SNTB1: variants seen among roughly 807,000 people sequenced by gnomAD.
SNTB1 encodes the protein beta-1-syntrophin.
In SNTB1, 36 loss-of-function variants were observed where a neutral mutation model predicts 48.9. That is an observed-to-expected ratio of 0.74 (90% confidence interval 0.56 to 0.97). SNTB1 has a LOEUF of 0.97. Among genes scored for constraint, SNTB1 ranks in the 50% least tolerant of loss-of-function variants. The probability of loss-of-function intolerance (pLI) is 0.00; values close to 1 mark genes in which losing one functional copy is unlikely to be tolerated. For synonymous variants in SNTB1, 299 were observed against 294.6 expected, an observed-to-expected ratio of 1.01 and a Z score of -0.15; for missense variants, 786 against 703.4, an observed-to-expected ratio of 1.12 and a Z score of -1.33.
intron 1 of SNTB1, among the ~76,000 whole-genome samples, chr8:120,740,712 T>C (rs940124084): frequency 5.3e-5 from 8 of 152,040 alleles, no homozygotes; most frequent in Non-Finnish European, 1.2e-4. Context: ...GAGAGAATGA[T>C]GGGCGGCCTG....
intron 3 of SNTB1, among the ~76,000 whole-genome samples, chr8:120,631,847 C>T (rs1816986754): frequency 6.6e-6 from 1 of 152,190 alleles, no homozygotes; most frequent in Non-Finnish European, 1.5e-5. Flanking sequence ...TATCTTTTCA[C>T]TCCCTTCCCC....
intron 2 of SNTB1, chr8:120,635,473 C>A (rs1194107602): frequency 2.0e-5 from 3 of 152,270 alleles, no homozygotes; most frequent in Non-Finnish European, 4.4e-5. Flanking sequence ...CTTTTGAAGG[C>A]CTTTTTAAAA....
At chr8:120,700,789 T>C (rs1184978216) in intron 1 of SNTB1, among the ~76,000 whole-genome samples, 1 of 152,214 alleles carries the variant, frequency 6.6e-6, no homozygotes, top group African/African-American at 2.4e-5. Flanking sequence ...GCACACAGGC[T>C]ACTAATGAGG....
intron 3 of SNTB1, among the ~76,000 whole-genome samples, chr8:120,584,456 AAAAAAG>A (rs1315676744): frequency 1.1e-4 from 17 of 150,890 alleles, no homozygotes; most frequent in African/African-American, 3.7e-4. Flanking sequence ...AAAAAAAAAA[AAAAAAG>A]TGTAGTAATT....
chr8:120,650,039 A>C (rs9297624), intron 2 of SNTB1, among the ~76,000 whole-genome samples: 2 of 151,744 alleles, frequency 1.3e-5, no homozygotes, highest in South Asian at 4.2e-4. Flanking sequence ...CGCACGGTGC[A>C]CGCACCCACT....
chr8:120,621,120 C>T (rs1023039470), intron 3 of SNTB1, among the ~76,000 whole-genome samples: 16 of 152,146 alleles, frequency 1.1e-4, no homozygotes, highest in East Asian at 1.9e-4. Flanking sequence ...ACACCATGCC[C>T]GGCTAATTTT....
chr8:120,698,500 T>A (rs932123441), intron 1 of SNTB1, among the ~76,000 whole-genome samples: 3 of 152,120 alleles, frequency 2.0e-5, no homozygotes, highest in African/African-American at 7.2e-5. Context: ...AGTCCTGATT[T>A]TTTTTGATAT....
rs75915544 is a variant in SNTB1, at chr8:120,748,988, C to A, written c.572-55080G>T. Reference sequence around the variant, plus strand: ...TTATTGTTACTGATTATACAGGCAACGGGTAGTATGACACCTGGCACCCAA... The same window carrying A: ...TTATTGTTACTGATTATACAGGCAAAGGGTAGTATGACACCTGGCACCCAA... On this transcript the variant is annotated intron_variant, in intron 1 of 6. Coordinates refer to ENST00000517992, the MANE Select transcript of SNTB1 (RefSeq NM_021021.4). 2.0e-5 allele frequency among the ~76,000 whole-genome samples: 3 copies of A among 152,092 alleles called. No homozygotes were observed. In the East Asian group the frequency reaches 5.8e-4, roughly 29 times the overall value.
At chr8:120,561,201 C>A (rs1020745866) in intron 4 of SNTB1, among the ~76,000 whole-genome samples, 1 of 151,594 alleles carries the variant, frequency 6.6e-6, no homozygotes, top group Non-Finnish European at 1.5e-5. Context: ...GTAGCACATG[C>A]CTGTAATCCC....
intron 1 of SNTB1, among the ~76,000 whole-genome samples, chr8:120,700,585 C>T (rs538946977): frequency 5.3e-5 from 8 of 152,224 alleles, no homozygotes; most frequent in East Asian, 1.9e-4. Context: ...AGAAAAGGGG[C>T]GGAGAGGAGT....
intron 3 of SNTB1, among the ~76,000 whole-genome samples, chr8:120,606,788 G>T (rs1816528324): frequency 6.6e-6 from 1 of 152,134 alleles, no homozygotes; most frequent in African/African-American, 2.4e-5. Flanking sequence ...ACTTTAATTT[G>T]CAAGGTAGCC....
chr8:120,662,127 T>C (rs1277087271), intron 2 of SNTB1, among the ~76,000 whole-genome samples: 1 of 152,198 alleles, frequency 6.6e-6, no homozygotes, highest in Non-Finnish European at 1.5e-5. Flanking sequence ...ATAGCAATAA[T>C]CATTTTCATT....
chr8:120,553,058 C>G (rs1045178762), intron 4 of SNTB1, among the ~76,000 whole-genome samples: 2 of 152,168 alleles, frequency 1.3e-5, no homozygotes, highest in African/African-American at 4.8e-5. Context: ...ACAGATGAAG[C>G]TTTGCTTGCT....
chr8:120,740,860 A>G (rs1251411401), intron 1 of SNTB1, among the ~76,000 whole-genome samples: 3 of 152,200 alleles, frequency 2.0e-5, no homozygotes, highest in Non-Finnish European at 4.4e-5. Flanking sequence ...AAATGTATCA[A>G]GCATTTTTAA....
chr8:120,581,045 C>T (rs1816039427), intron 3 of SNTB1, among the ~76,000 whole-genome samples: 1 of 144,300 alleles, frequency 6.9e-6, no homozygotes, highest in South Asian at 2.2e-4. Flanking sequence ...GCTGAGATTG[C>T]ACCACAACAC....
At chr8:120,686,593 G>A (rs1211445340) in intron 2 of SNTB1, among the ~76,000 whole-genome samples, 1 of 151,856 alleles carries the variant, frequency 6.6e-6, no homozygotes, top group Non-Finnish European at 1.5e-5. Flanking sequence ...GTGAATTTGG[G>A]GGGTGGGGGG....
At chr8:120,645,411 T>C (rs759211020) in intron 2 of SNTB1, among the ~76,000 whole-genome samples, 1,937 of 150,110 alleles carry the variant, frequency 0.013, 15 homozygotes, top group Non-Finnish European at 0.019. Flanking sequence ...CACCATTTAT[T>C]AAATAGGGAA....
intron 2 of SNTB1, among the ~76,000 whole-genome samples, chr8:120,664,528 G>C (rs559212144): frequency 1.3e-5 from 2 of 152,262 alleles, no homozygotes; most frequent in East Asian, 3.9e-4. Flanking sequence ...AAATCATACA[G>C]TATGTCTTCC....
Position 120,551,023 on chromosome 8 carries a change from C to T in SNTB1, c.1137-2065G>A, listed in dbSNP as rs556175201. Among the ~76,000 whole-genome samples the T allele has an allele frequency of 5.3e-5, 8 of 152,116 alleles. No individual in the cohort carries two copies. The East Asian group carries it at 5.8e-4, about 11-fold the overall frequency. ...CTGTAATCCCAGCACTTTGGGAGGC[C>T]GAGGTGGATGTATCACGAGGTCAGG... is the stretch of plus-strand genomic sequence containing the variant. On this transcript the variant is annotated intron_variant, in intron 4 of 6. Transcript: ENST00000517992.
Sources: gnomAD v4.1 joint callset for allele counts (sites outside exome capture counted in the v4.1 genomes callset) on GRCh38, gnomAD v4.1.1 for gene constraint, MANE v1.5 for transcripts, NCBI Gene and HGNC (gene_info 2026-07-23, HGNC 2026-07-21) for gene names.